Variants in TTN observed in about 807,000 individuals in gnomAD.
TTN encodes connectin.
Under a neutral mutation model 3,223.0 loss-of-function variants are expected in TTN, and 1,525 were observed. The observed-to-expected ratio is 0.47, with a 90% CI of 0.45 to 0.49. The LOEUF is 0.49. TTN is among the 20% of genes least tolerant of loss of function. The probability of loss-of-function intolerance (pLI) is 0.00; values close to 1 mark genes in which losing one functional copy is unlikely to be tolerated. For missense variants in TTN, 40,786 were observed against 43,424.0 expected, an observed-to-expected ratio of 0.94 and a Z score of 5.40; for synonymous variants, 14,094 against 15,161.0, an observed-to-expected ratio of 0.93 and a Z score of 5.17.
At position 178,776,668 on chromosome 2, in the gene TTN, T is replaced by C. The variant is rs142262519; in HGVS notation, c.5196A>G (p.Pro1732=). 2 of 1,614,002 alleles carry C rather than the reference T, an allele frequency of 1.2e-6. No homozygotes were observed. Among genetic ancestry groups the C allele is most frequent in the South Asian group, 1.1e-5 (1 of 91,086 alleles). The change falls in exon 28 of 363, where the codon CCA becomes CCG. Residue 1732 remains proline, a synonymous_variant. Transcript: ENST00000589042. ...FECRLTPIGD[P]TMVVEWLHDG... ...CATGGAGCCACTCCACCACCATCGT[T>C]GGGTCACCAATGGGTGTTAGCCTGC...
chr2:178,768,221 G>C (rs1208061794), intron 38 of TTN, 66 bp from the exon 39 acceptor site: 10 of 1,530,068 alleles, frequency 6.5e-6, no homozygotes, highest in Non-Finnish European at 9.0e-6. Context: ...TTCACATACT[G>C]TACAATCCAC....
At chr2:178,632,833 C>T in intron 234 of TTN, 41 bp from the exon 235 acceptor site, 1 of 1,612,508 alleles carries the variant, frequency 6.2e-7, no homozygotes, top group Non-Finnish European at 8.5e-7. Flanking sequence ...AATACGTTTC[C>T]ATTGATGACC....
Position 178,533,788 on chromosome 2 carries a change from C to T in TTN, c.102827G>A (p.Arg34276Gln), listed in dbSNP as rs199932621. ...GTGGACAGTTATAGTTACTCCAAAC[C>T]GGACATTTTCACCTACATAAGCTGT... ...NKTAYVGENV[R>Q]FGVTITVHPE... is the part of the protein sequence containing the mutation. Residue 34276 changes from arginine (R) to glutamine (Q), a missense_variant, in exon 358 of 363, where the codon CGG becomes CAG. Transcript: ENST00000589042. The T allele has an allele frequency of 2.4e-5, 39 of 1,613,822 alleles. No individual in the cohort carries two copies. Among genetic ancestry groups the T allele is most frequent in the Middle Eastern group, 1.6e-4 (1 of 6,084 alleles).
At chr2:178,709,907 A>G in intron 98 of TTN, 51 bp from the exon 99 acceptor site, 1 of 1,525,984 alleles carries the variant, frequency 6.6e-7, no homozygotes, top group Admixed American at 2.2e-5. Context: ...GCAGATTACT[A>G]ATATGAAGCT....
chr2:178,700,228 A>G (rs1012741745), intron 111 of TTN, among the ~76,000 whole-genome samples: 1 of 152,182 alleles, frequency 6.6e-6, no homozygotes, highest in Non-Finnish European at 1.5e-5. Flanking sequence ...TGTTCGTATG[A>G]ATCATAAAAA....
At chr2:178,719,505 T>C (rs2078016267) in intron 82 of TTN, 49 bp downstream of exon 82, 1 of 1,589,022 alleles carries the variant, frequency 6.3e-7, no homozygotes, top group African/African-American at 1.3e-5. Flanking sequence ...TCTGTGCCCC[T>C]CCACCCCCTG....
Position 178,777,837 on chromosome 2 carries a change from T to C in TTN, c.4347A>G (p.Ser1449=), listed in dbSNP as rs719202. Residue 1449 remains serine, a synonymous_variant, in exon 25 of 363, where the codon TCA becomes TCG. Coordinates refer to ENST00000589042, the MANE Select transcript of TTN (RefSeq NM_001267550.2). ...CTGGTTTATATAGTCTCTCAAGTTG[T>C]GACTCATCTGTCTCCTCCAGCCTAC... ...PGRRLEETDE[S]QLERLYKPVF... is the part of the protein sequence containing the mutation. 2.0e-3 allele frequency: 3,186 copies of C among 1,614,044 alleles called. 67 individuals are homozygous for C. In the African/African-American group the frequency reaches 0.037, roughly 19 times the overall value.
rs2048542090 is a variant in TTN at position 178,584,659 on chromosome 2, A to C, written c.64972+10T>G. On this transcript the variant is annotated intron_variant, in intron 310 of 362. Coordinates refer to ENST00000589042, the MANE Select transcript of TTN (RefSeq NM_001267550.2). ...GAAAACAACTTTTTTTCTCCTTCAC[A>C]AAAACATACCAAATGGGAACTGCGC... is the stretch of plus-strand genomic sequence containing the variant. The C allele has an allele frequency of 6.2e-7, 1 of 1,611,664 alleles. No homozygotes were observed. Among genetic ancestry groups the C allele is most frequent in the Non-Finnish European group, 8.5e-7 (1 of 1,179,204 alleles).
Position 178,531,645 on chromosome 2 carries a change from G to A in TTN, c.104970C>T (p.Tyr34990=), listed in dbSNP as rs1689151742. 1 of 1,614,014 alleles carries A rather than the reference G, an allele frequency of 6.2e-7. No individual in the cohort carries two copies. Among genetic ancestry groups the A allele is most frequent in the Non-Finnish European group, 8.5e-7 (1 of 1,179,890 alleles). ...GGGTGAGGACTCCACTCGTGTTGGT[G>A]TAATGAATCTTACTGCTTTCTTGGA... The part of the protein sequence containing the change: ...VELQESSKIH[Y]TNTSGVLTLE... Residue 34990 remains tyrosine, a synonymous_variant, in exon 358 of 363, where the codon TAC becomes TAT. Coordinates refer to ENST00000589042, the MANE Select transcript of TTN (RefSeq NM_001267550.2).
intron 15 of TTN, 120 bp downstream of exon 15, chr2:178,785,500 A>G: frequency 7.0e-7 from 1 of 1,425,694 alleles, no homozygotes; most frequent in Non-Finnish European, 9.7e-7. Context: ...ATGCAAACAC[A>G]CGCACACACA....
At position 178,537,088 on chromosome 2, in the gene TTN, A is replaced by G. The variant is rs2154137977; in HGVS notation, c.100021T>C (p.Leu33341=). 1.2e-6 allele frequency: 2 copies of G among 1,613,278 alleles called. No homozygotes were observed. Among genetic ancestry groups the G allele is most frequent in the South Asian group, 1.1e-5 (1 of 90,974 alleles). Residue 33341 remains leucine (L), a synonymous_variant, in exon 356 of 363, where the codon TTG becomes CTG. Coordinates refer to ENST00000589042, the MANE Select transcript of TTN (RefSeq NM_001267550.2). ...GTCACTGAGATGGCTGAAGACACCA[A>G]TTGCCATTCAGCCCCCTCCTTGGCC... ...CEAKEGAEWQ[L]VSSAISVTTC...
Position 178,795,123 on chromosome 2 carries a change from C to T in TTN, c.1044G>A (p.Glu348=). The T allele has an allele frequency of 1.9e-6, 3 of 1,614,136 alleles. No homozygotes were observed. The highest frequency in any genetic ancestry group is 2.2e-5 in the South Asian group (2 of 91,080). ...GPEVPPPWKQ[E]GYVASSSEAE... ...CCTCAGATGAGGAGGCCACGTAGCC[C>T]TCTTGCTTCCAAGGGGGAGGCACTT... The change falls in exon 7 of 363, where the codon GAG becomes GAA. Residue 348 remains glutamate (E), a synonymous_variant. Transcript: ENST00000589042.
Position 178,579,247 on chromosome 2 carries a change from TG to T in TTN, c.67782del (p.Asp22594GlufsTer16). 6.2e-7 allele frequency: 1 copy of T among 1,613,446 alleles called. No individual in the cohort carries two copies. Among genetic ancestry groups the T allele is most frequent in the Non-Finnish European group, 8.5e-7 (1 of 1,179,544 alleles). The stretch of plus-strand genomic sequence containing the variant: ...GCAGATGACTCAACACTGACTCTAG[TG>T]TCAGTTGCTAGAGGATCTTCCCCTT... Reference protein sequence around the residue: ...WKKGEDPLATDTRVSVESSAV... With the variant: ...WKKGEDPLATXTRVSVESSAV... On this transcript the variant is annotated frameshift_variant, in exon 320 of 363. Coordinates refer to ENST00000589042, the MANE Select transcript of TTN (RefSeq NM_001267550.2). LOFTEE classifies it high-confidence loss of function.
Position 178,551,962 on chromosome 2 carries a change from G to C in TTN, c.90938C>G (p.Ser30313Ter). 6.2e-7 allele frequency: 1 copy of C among 1,612,122 alleles called. No individual in the cohort carries two copies. Residue 30313 changes from serine (S) to a stop codon, truncating the protein, a stop_gained, in exon 335 of 363, where the codon TCA becomes TGA. Transcript: ENST00000589042. LOFTEE classifies it high-confidence loss of function. ...NRYGVSQPLV[S>*]SIIVAKHQFR... ...CTGGTGTTTTGCCACAATAATGCTT[G>C]AGACAAGTGGTTGGCTGACTCCGTA...
At position 178,564,660 on chromosome 2, in the gene TTN, G is replaced by C. The variant is rs200771189; in HGVS notation, c.81472C>G (p.Pro27158Ala). 5.2e-4 allele frequency: 837 copies of C among 1,613,362 alleles called. 1 individual carries two copies. The highest frequency in any genetic ancestry group is 6.3e-4 in the Non-Finnish European group (744 of 1,179,706). The change falls in exon 326 of 363, where the codon CCT (proline) becomes GCT (alanine). Residue 27158 changes from proline to alanine, a missense_variant. By Grantham distance (27) the Pro-to-Ala change is conservative (BLOSUM62 -1). Transcript: ENST00000589042. ...ACAAAGCATTCTGACACTTTGCTAG[G>C]CTTGCCAATGCCAACAATATTTTCA... The part of the protein sequence containing the change: ...SAENIVGIGK[P>A]SKVSECFVAR...
Position 178,616,731 on chromosome 2 carries a change from A to T in TTN, c.48158T>A (p.Ile16053Asn). The T allele has an allele frequency of 6.2e-7, 1 of 1,612,506 alleles. No individual in the cohort carries two copies. Among genetic ancestry groups the T allele is most frequent in the Non-Finnish European group, 8.5e-7 (1 of 1,179,138 alleles). Residue 16053 changes from isoleucine (I) to asparagine (N), a missense_variant and splice_region_variant, in exon 256 of 363, where the codon ATT becomes AAT. Ile to Asn is a moderately radical substitution (Grantham distance 149). Coordinates refer to ENST00000589042, the MANE Select transcript of TTN (RefSeq NM_001267550.2). Reference protein sequence around the residue: ...TISGEIDVNVIARPSAPKELK... With the variant: ...TISGEIDVNVNARPSAPKELK... The stretch of plus-strand genomic sequence containing the variant: ...ATGATAAATGTTTTGTTCCTTACCA[A>T]TTACATTGACATCAATTTCCCCAGA...
At chr2:178,759,305 G>T in intron 43 of TTN, 133 bp from the exon 44 acceptor site, 1 of 856,298 alleles carries the variant, frequency 1.2e-6, no homozygotes, top group Non-Finnish European at 1.9e-6. Flanking sequence ...ACTTTTCTCT[G>T]GGCATGCCAT....
At position 178,582,169 on chromosome 2, in the gene TTN, A is replaced by G. The variant is rs368042545; in HGVS notation, c.66200T>C (p.Ile22067Thr). 25 of 1,612,650 alleles carry G rather than the reference A, an allele frequency of 1.6e-5. No individual in the cohort carries two copies. Among genetic ancestry groups the G allele is most frequent in the Non-Finnish European group, 2.0e-5 (23 of 1,179,478 alleles). Residue 22067 changes from isoleucine (I) to threonine (T), a missense_variant, in exon 315 of 363, where the codon ATA becomes ACA. Transcript: ENST00000589042. ...GCTGACTGTCATGTGATCTTTGGTT[A>G]TGTTGCTAATAACAGGAGGATCACA... is the stretch of plus-strand genomic sequence containing the variant. ...GRCDPPVISNITKDHMTVSWK... is the reference protein window; with the variant it reads ...GRCDPPVISNTTKDHMTVSWK...
rs374882815 is a variant in TTN at position 178,730,715 on chromosome 2, A to G, written c.17818T>C (p.Cys5940Arg). Residue 5940 changes from cysteine (C) to arginine (R), a missense_variant, in exon 61 of 363, where the codon TGT (cysteine) becomes CGT (arginine). By Grantham distance (180) the Cys-to-Arg change is radical. Coordinates refer to ENST00000589042, the MANE Select transcript of TTN (RefSeq NM_001267550.2). ...SIKGSFIDLE[C>R]IVAGSHPISI... is the part of the protein sequence containing the mutation. ...ATGGGATGTGACCCAGCCACTATAC[A>G]TTCTAAATCAATGAAAGAACCTTTA... is the stretch of plus-strand genomic sequence containing the variant. 1.1e-4 allele frequency: 180 copies of G among 1,613,424 alleles called. No individual in the cohort carries two copies. Among genetic ancestry groups the G allele is most frequent in the Middle Eastern group, 1.6e-4 (1 of 6,076 alleles).
Sources: allele counts gnomAD v4.1 joint callset (sites outside exome capture counted in the v4.1 genomes callset), GRCh38; gene constraint gnomAD v4.1.1; transcripts MANE v1.5; gene names NCBI Gene and HGNC (gene_info 2026-07-23, HGNC 2026-07-21).